RABGAP1L: variants seen among roughly 807,000 people sequenced by gnomAD.
RABGAP1L encodes the protein RAB GTPase activating protein 1 like.
In RABGAP1L, 63 loss-of-function variants were observed where a neutral mutation model predicts 137.7. The ratio of observed to expected loss-of-function variants is 0.46; its 90% CI spans 0.37 to 0.56. The LOEUF (loss-of-function observed/expected upper bound fraction) is 0.56. Ranked by LOEUF, RABGAP1L falls within the 20% of genes least tolerant of loss-of-function variation. The probability of loss-of-function intolerance (pLI) is 0.00; values close to 1 mark genes in which losing one functional copy is unlikely to be tolerated. For synonymous variants in RABGAP1L, 431 were observed against 433.7 expected (o/e 0.99, Z 0.08); for missense variants, 1,095 against 1,244.0 (o/e 0.88, Z 1.80).
intron 14 of RABGAP1L, among the ~76,000 whole-genome samples, chr1:174,639,850 A>G (rs1349575542): frequency 6.6e-6 from 1 of 152,178 alleles, no homozygotes; most frequent in Non-Finnish European, 1.5e-5. Flanking sequence ...CCTTGAATTC[A>G]TTTGAAAATA....
intron 18 of RABGAP1L, among the ~76,000 whole-genome samples, chr1:174,809,978 G>A (rs1179798630): frequency 1.3e-5 from 2 of 152,188 alleles, no homozygotes; most frequent in African/African-American, 4.8e-5. Context: ...ATGTTTATGA[G>A]GAAAGAGAAA....
At position 174,435,009 on chromosome 1, in the gene RABGAP1L, G is replaced by T. The variant is rs528150811; in HGVS notation, c.1710+40864G>T. Among the ~76,000 whole-genome samples the T allele has an allele frequency of 7.9e-5, 12 of 152,180 alleles. 1 individual carries two copies. The South Asian group carries it at 2.5e-3, about 32-fold the overall frequency. ...AACTTTTTTATAGTTATTGCTTCCA[G>T]TATCCTAATAAGTCTTTGTCTATTT... On this transcript the variant is annotated intron_variant, in intron 13 of 25. Coordinates refer to ENST00000681986, the MANE Select transcript of RABGAP1L (RefSeq NM_001366446.1).
intron 13 of RABGAP1L, among the ~76,000 whole-genome samples, chr1:174,611,806 C>G (rs1003507621): frequency 6.6e-6 from 1 of 152,104 alleles, no homozygotes; most frequent in Non-Finnish European, 1.5e-5. Flanking sequence ...GTATTTTATT[C>G]TCCTTGAAGC....
At chr1:174,974,587 A>AT (rs1197882272) in intron 21 of RABGAP1L, among the ~76,000 whole-genome samples, 2 of 152,004 alleles carry the variant, frequency 1.3e-5, no homozygotes, top group Non-Finnish European at 1.5e-5. Flanking sequence ...TTGCTGTTAG[A>AT]TTTTCCCCCC....
At chr1:174,691,072 TCA>T (rs1678843023) in intron 15 of RABGAP1L, among the ~76,000 whole-genome samples, 1 of 152,052 alleles carries the variant, frequency 6.6e-6, no homozygotes, top group Non-Finnish European at 1.5e-5. Flanking sequence ...CCTCAAGTGA[TCA>T]CACACAGCCT....
At chr1:174,782,741 C>A (rs139968477) in intron 18 of RABGAP1L, among the ~76,000 whole-genome samples, 1 of 152,170 alleles carries the variant, frequency 6.6e-6, no homozygotes, top group East Asian at 1.9e-4. Context: ...CTAAACCTAG[C>A]TGTGGACGGT....
chr1:174,319,641 A>G (rs912707012), intron 11 of RABGAP1L, among the ~76,000 whole-genome samples: 11 of 152,192 alleles, frequency 7.2e-5, no homozygotes, highest in Admixed American at 6.5e-4. Context: ...GCAAAAAAGC[A>G]TCTAGTTTCT....
At chr1:174,609,645 A>C (rs1234055047) in intron 13 of RABGAP1L, among the ~76,000 whole-genome samples, 1 of 152,158 alleles carries the variant, frequency 6.6e-6, no homozygotes, top group East Asian at 1.9e-4. Flanking sequence ...CTACTACTTC[A>C]AGCTATTTTT....
intron 18 of RABGAP1L, among the ~76,000 whole-genome samples, chr1:174,773,943 T>A (rs78499380): frequency 0.021 from 3,224 of 152,352 alleles, 54 homozygotes; most frequent in Middle Eastern, 0.085. Flanking sequence ...TGACCCTTTT[T>A]ATCTGTAAGA....
At chr1:174,756,813 G>A (rs946946803) in intron 18 of RABGAP1L, 10 of 551,474 alleles carry the variant, frequency 1.8e-5, no homozygotes, top group Admixed American at 1.2e-4. Flanking sequence ...TGCAAACTCC[G>A]GATGAGGGCT....
chr1:174,892,849 C>T, intron 19 of RABGAP1L: 2 of 243,058 alleles, frequency 8.2e-6, no homozygotes, highest in South Asian at 9.4e-5. Flanking sequence ...CCTGCCTCAA[C>T]CTCTCGAGTA....
intron 19 of RABGAP1L, chr1:174,948,579 G>A (rs1667255948): frequency 1.3e-5 from 2 of 151,322 alleles, no homozygotes; most frequent in Non-Finnish European, 2.9e-5. Context: ...ATGCTTGAGG[G>A]GATCGCTACC....
At chr1:174,757,305 T>C (rs1684844530) in intron 18 of RABGAP1L, among the ~76,000 whole-genome samples, 1 of 152,186 alleles carries the variant, frequency 6.6e-6, no homozygotes, top group African/African-American at 2.4e-5. Context: ...GTAACAAATA[T>C]CCTTAAACTT....
Position 174,942,071 on chromosome 1 carries a change from T to C in RABGAP1L, c.2341-15386T>C, listed in dbSNP as rs1665979029. Among the ~76,000 whole-genome samples the C allele has an allele frequency of 2.0e-5, 3 of 152,310 alleles. No homozygotes were observed. In the South Asian group the frequency reaches 6.2e-4, roughly 32 times the overall value. ...GTCATAGGGACACTGGGAGCCAATG[T>C]GTGAGTTCTTAGAGTTCCATTAATT... is the stretch of plus-strand genomic sequence containing the variant. On this transcript the variant is annotated intron_variant, in intron 19 of 25. Transcript: ENST00000681986.
At chr1:174,313,389 T>A (rs1231095822) in intron 11 of RABGAP1L, among the ~76,000 whole-genome samples, 1 of 152,242 alleles carries the variant, frequency 6.6e-6, no homozygotes, top group African/African-American at 2.4e-5. Flanking sequence ...TTTCCAAATA[T>A]AAGATTATGT....
chr1:174,571,105 C>T (rs1667947354), intron 13 of RABGAP1L, among the ~76,000 whole-genome samples: 1 of 152,058 alleles, frequency 6.6e-6, no homozygotes, highest in Non-Finnish European at 1.5e-5. Flanking sequence ...GAAGGAGATC[C>T]AGTCATTTGC....
intron 13 of RABGAP1L, among the ~76,000 whole-genome samples, chr1:174,436,152 A>G (rs1002889204): frequency 3.5e-4 from 54 of 152,138 alleles, no homozygotes; most frequent in African/African-American, 1.4e-4. Flanking sequence ...ATGATTTATA[A>G]TCCTTTGGGT....
chr1:174,524,204 G>GTTT (rs1183137751), intron 13 of RABGAP1L, among the ~76,000 whole-genome samples: 3 of 148,882 alleles, frequency 2.0e-5, no homozygotes, highest in East Asian at 2.0e-4. Flanking sequence ...TGTTGTTGTT[G>GTTT]TTGTTTTTTT....
At chr1:174,432,004 T>G (rs1652690196) in intron 13 of RABGAP1L, among the ~76,000 whole-genome samples, 1 of 152,132 alleles carries the variant, frequency 6.6e-6, no homozygotes, top group African/African-American at 2.4e-5. Context: ...CACATGCAGG[T>G]TTGTCACATC....
Sources: allele counts gnomAD v4.1 joint callset (sites outside exome capture counted in the v4.1 genomes callset), GRCh38; gene constraint gnomAD v4.1.1; transcripts MANE v1.5; gene names NCBI Gene and HGNC (gene_info 2026-07-23, HGNC 2026-07-21).